CUL3: variants seen among roughly 807,000 people sequenced by gnomAD.
CUL3 encodes the protein cullin-3.
CUL3 carries 19 observed loss-of-function variants against 89.1 expected under a neutral mutation model. That is an observed-to-expected ratio of 0.21 (90% CI 0.15 to 0.31). The LOEUF (loss-of-function observed/expected upper bound fraction) is 0.31. Among genes scored for constraint, CUL3 ranks in the 10% least tolerant of loss-of-function variants. CUL3 has a pLI of 1.00. For missense variants in CUL3, 469 were observed against 942.3 expected, an observed-to-expected ratio of 0.50 and a Z score of 6.58; for synonymous variants, 351 against 308.4, an observed-to-expected ratio of 1.14 and a Z score of -1.45.
At chr2:224,559,207 T>C (rs1258781754) in intron 1 of CUL3, among the ~76,000 whole-genome samples, 1 of 152,124 alleles carries the variant, frequency 6.6e-6, no homozygotes, top group Admixed American at 6.5e-5. Flanking sequence ...CCTAGCATTT[T>C]GGGAGACTGA....
chr2:224,502,455 A>G (rs980811357), intron 10 of CUL3, among the ~76,000 whole-genome samples: 8 of 152,218 alleles, frequency 5.3e-5, no homozygotes, highest in Non-Finnish European at 8.8e-5. Flanking sequence ...AAACACATTT[A>G]TAATACATTA....
chr2:224,504,839 G>A (rs892926640), intron 8 of CUL3, among the ~76,000 whole-genome samples: 2 of 152,148 alleles, frequency 1.3e-5, no homozygotes, highest in African/African-American at 2.4e-5. Context: ...ATTCAGATGT[G>A]AGCATGTTTT....
At chr2:224,550,598 A>G (rs1694478194) in intron 2 of CUL3, among the ~76,000 whole-genome samples, 1 of 152,360 alleles carries the variant, frequency 6.6e-6, no homozygotes, top group East Asian at 1.9e-4. Flanking sequence ...CCGTATCAGA[A>G]AATTAAATCA....
intron 2 of CUL3, among the ~76,000 whole-genome samples, chr2:224,542,307 G>C (rs1254518720): frequency 6.6e-6 from 1 of 152,098 alleles, no homozygotes; most frequent in Non-Finnish European, 1.5e-5. Context: ...GATTAAAGTG[G>C]AATTACTGTC....
chr2:224,515,774 C>T (rs903747319), intron 3 of CUL3, among the ~76,000 whole-genome samples: 1 of 151,940 alleles, frequency 6.6e-6, no homozygotes, highest in African/African-American at 2.4e-5. Flanking sequence ...CGGCTCACTG[C>T]AACCTCTTCC....
intron 15 of CUL3, among the ~76,000 whole-genome samples, chr2:224,474,771 G>T (rs1181966634): frequency 1.3e-5 from 2 of 152,152 alleles, no homozygotes; most frequent in Non-Finnish European, 2.9e-5. Context: ...GATAAACTCA[G>T]CTCTACCACT....
At chr2:224,563,210 T>C (rs1176373130) in intron 1 of CUL3, 3 of 470,698 alleles carry the variant, frequency 6.4e-6, no homozygotes, top group Non-Finnish European at 1.3e-5. Context: ...ATAACGTAGC[T>C]TTCTTTTAGA....
chr2:224,522,015 T>TA (rs1693284326), intron 3 of CUL3, among the ~76,000 whole-genome samples: 1 of 151,586 alleles, frequency 6.6e-6, no homozygotes, highest in African/African-American at 2.4e-5. Flanking sequence ...ATTAAATACT[T>TA]ATTCTGCTAG....
intron 3 of CUL3, among the ~76,000 whole-genome samples, chr2:224,527,677 G>A (rs549412369): frequency 1.1e-4 from 16 of 152,270 alleles, no homozygotes; most frequent in African/African-American, 3.6e-4. Context: ...TGGCATTGAA[G>A]ATCATCTTTT....
chr2:224,502,896 G>A (rs1048209122), intron 10 of CUL3, 69 bp downstream of exon 10: 214 of 1,050,334 alleles, frequency 2.0e-4, no homozygotes, highest in Admixed American at 7.8e-5. Flanking sequence ...TCTGCTAAGT[G>A]GATGAAAATA....
intron 5 of CUL3, 135 bp from the exon 6 acceptor site, chr2:224,511,717 A>G (rs1692833180): frequency 1.8e-6 from 1 of 561,168 alleles, no homozygotes; most frequent in Middle Eastern, 4.7e-4. Flanking sequence ...GTAATTTCTC[A>G]TTACACGAAA....
chr2:224,579,853 A>G (rs1414653673), intron 1 of CUL3, among the ~76,000 whole-genome samples: 5 of 152,254 alleles, frequency 3.3e-5, no homozygotes, highest in Non-Finnish European at 5.9e-5. Context: ...TTACCGTTTG[A>G]TACAGGAAAG....
chr2:224,524,751 A>G (rs1693402859), intron 3 of CUL3, among the ~76,000 whole-genome samples: 1 of 152,180 alleles, frequency 6.6e-6, no homozygotes, highest in African/African-American at 2.4e-5. Flanking sequence ...CAATACTGGA[A>G]TTCAAATTTT....
intron 14 of CUL3, chr2:224,479,222 G>A (rs1327799191): frequency 2.6e-5 from 4 of 152,126 alleles, no homozygotes; most frequent in Admixed American, 6.5e-5. Context: ...AGATAGCCAC[G>A]AGACAGCAGA....
At chr2:224,474,510 CT>C (rs772651046) in intron 15 of CUL3, 134 bp from the exon 16 acceptor site, 1 of 701,186 alleles carries the variant, frequency 1.4e-6, no homozygotes, top group Non-Finnish European at 2.3e-6. Context: ...AGCACAGAAA[CT>C]TTAAAAAGGT....
chr2:224,584,682 C>T (rs1411338227), intron 1 of CUL3, among the ~76,000 whole-genome samples: 2 of 150,476 alleles, frequency 1.3e-5, no homozygotes, highest in African/African-American at 4.8e-5. Context: ...AGCCGACGCC[C>T]GCGGAGCGGC....
rs1691175832 is a variant in CUL3, at chr2:224,472,734, C to G, written c.*1511G>C. On this transcript the variant is annotated 3_prime_UTR_variant, in exon 16 of 16. Coordinates refer to ENST00000264414, the MANE Select transcript of CUL3 (RefSeq NM_003590.5). ...CAAGTCTAAAAGGAAAATTATAACCCAAGACGCATGGGGAAAAATATTTAT... is the reference window on the plus strand; with the variant it reads ...CAAGTCTAAAAGGAAAATTATAACCGAAGACGCATGGGGAAAAATATTTAT... 1 of 195,786 alleles carries G rather than the reference C, an allele frequency of 5.1e-6. No homozygotes were observed. Among genetic ancestry groups the G allele is most frequent in the Non-Finnish European group, 1.1e-5 (1 of 93,982 alleles). 12.1% of individuals were successfully genotyped at this position (195,786 alleles called of 1,614,324 possible).
Position 224,506,064 on chromosome 2 carries a change from A to G in CUL3, c.1098T>C (p.Phe366=). ...CAAAGTCACCCGCAATAGTTTGTTT[A>G]AAGAGACGGTCATTGTTGAATGATT... The part of the protein sequence containing the change: ...LLESFNNDRL[F]KQTIAGDFEY... The change falls in exon 8 of 16, where the codon TTT becomes TTC. Residue 366 remains phenylalanine (F), a synonymous_variant. Coordinates refer to ENST00000264414, the MANE Select transcript of CUL3 (RefSeq NM_003590.5). The G allele has an allele frequency of 6.2e-7, 1 of 1,612,954 alleles. No individual in the cohort carries two copies. The highest frequency in any genetic ancestry group is 8.5e-7 in the Non-Finnish European group (1 of 1,179,282).
At chr2:224,496,484 C>T (rs1365720175) in intron 12 of CUL3, among the ~76,000 whole-genome samples, 3 of 152,206 alleles carry the variant, frequency 2.0e-5, no homozygotes, top group South Asian at 2.1e-4. Flanking sequence ...GTCCCTTGTC[C>T]CCCCATTGTG....
Sources: gnomAD v4.1 joint callset for allele counts (sites outside exome capture counted in the v4.1 genomes callset) on GRCh38, gnomAD v4.1.1 for gene constraint, MANE v1.5 for transcripts, NCBI Gene and HGNC (gene_info 2026-07-23, HGNC 2026-07-21) for gene names.